The following MOB1B variants were observed in gnomAD, a reference collection of about 807,000 sequenced individuals.
MOB1B encodes MOB1 Mps One Binder homolog B.
MOB1B carries 19 observed loss-of-function variants against 24.4 expected under a neutral mutation model. That is an observed-to-expected ratio of 0.78 (90% CI 0.54 to 1.14). MOB1B has a LOEUF of 1.14. Among genes scored for constraint, MOB1B ranks in the 50% most tolerant of loss-of-function variants. The pLI, the probability that MOB1B is intolerant of heterozygous loss-of-function variation, is 0.00. For synonymous variants in MOB1B, 76 were observed against 82.1 expected (o/e 0.93, Z 0.40); for missense variants, 243 against 259.6 (o/e 0.94, Z 0.44).
At chr4:70,962,676 A>G (rs1465967825) in intron 2 of MOB1B, among the ~76,000 whole-genome samples, 1 of 152,108 alleles carries the variant, frequency 6.6e-6, no homozygotes, top group East Asian at 1.9e-4. Context: ...TGTGCTTTTA[A>G]AAGAAAAAAT....
At chr4:70,962,327 A>G (rs1274575818) in intron 2 of MOB1B, among the ~76,000 whole-genome samples, 2 of 152,240 alleles carry the variant, frequency 1.3e-5, no homozygotes, top group African/African-American at 4.8e-5. Flanking sequence ...TTGATCTCAA[A>G]GTGAATATGT....
At chr4:70,966,316 G>A (rs1427250647) in intron 2 of MOB1B, among the ~76,000 whole-genome samples, 3 of 151,972 alleles carry the variant, frequency 2.0e-5, no homozygotes, top group African/African-American at 7.2e-5. Flanking sequence ...AGGCCAAGGT[G>A]GAAGGATTGC....
At chr4:70,968,148 C>A (rs1315494858) in intron 2 of MOB1B, among the ~76,000 whole-genome samples, 1 of 152,148 alleles carries the variant, frequency 6.6e-6, no homozygotes, top group African/African-American at 2.4e-5. Flanking sequence ...TCTTGCCCGG[C>A]CTATGCTCTT....
intron 1 of MOB1B, among the ~76,000 whole-genome samples, chr4:70,942,111 A>G (rs763735636): frequency 6.6e-6 from 1 of 152,180 alleles, no homozygotes; most frequent in African/African-American, 2.4e-5. Flanking sequence ...ATTGGTTAAA[A>G]TTGACCTCCA....
intron 1 of MOB1B, among the ~76,000 whole-genome samples, chr4:70,928,873 C>T (rs994211117): frequency 5.9e-5 from 9 of 152,110 alleles, no homozygotes; most frequent in African/African-American, 2.2e-4. Flanking sequence ...CTGGCGTGAG[C>T]CCCTGCACTC....
In MOB1B at chr4:70,983,421, A is replaced by T. The variant is rs946094510; in HGVS notation, c.*1364A>T. The T allele has an allele frequency of 5.9e-5, 9 of 152,406 alleles. No individual in the cohort carries two copies. The highest frequency in any genetic ancestry group is 1.9e-4 in the African/African-American group (8 of 41,444). The allele number at this position is 152,406 out of a possible 1,614,324, so 9.4% of individuals were successfully genotyped here. A position where few individuals can be genotyped will look rare whatever the true frequency, so the allele number is the denominator to read the frequency against. ...TTTTATTCGCCATGACTTTCTAGTG[A>T]ATTATTACCATAAATAACAATTTCA... On this transcript the variant is annotated 3_prime_UTR_variant, in exon 6 of 6. Transcript: ENST00000309395.
chr4:70,914,647 C>T (rs1185088602), intron 1 of MOB1B, among the ~76,000 whole-genome samples: 2 of 152,208 alleles, frequency 1.3e-5, no homozygotes, highest in African/African-American at 4.8e-5. Flanking sequence ...ACATCACTAC[C>T]TTCAGTTGCA....
intron 2 of MOB1B, 87 bp downstream of exon 2, chr4:70,959,127 TTTAG>T (rs906352409): frequency 5.7e-6 from 6 of 1,060,192 alleles, no homozygotes; most frequent in Middle Eastern, 2.1e-4. Context: ...CATTCTAGGA[TTTAG>T]TTAGTAAGCT....
At chr4:70,917,545 C>A (rs1402616278) in intron 1 of MOB1B, among the ~76,000 whole-genome samples, 1 of 152,108 alleles carries the variant, frequency 6.6e-6, no homozygotes, top group East Asian at 1.9e-4. Flanking sequence ...AGATTATGAA[C>A]CCAAAGTTCA....
At position 70,985,529 on chromosome 4, in the gene MOB1B, T is replaced by A. The variant is rs931467966; in HGVS notation, c.*3472T>A. On this transcript the variant is annotated 3_prime_UTR_variant, in exon 6 of 6. Transcript: ENST00000309395. ...TTTTAAATTTTTTTTATTTTTTTTA[T>A]TTTTATTTCTTTAAGATGGAGTCTT... The A allele has an allele frequency of 6.6e-6, 1 of 152,102 alleles. No homozygotes were observed. The highest frequency in any genetic ancestry group is 2.4e-5 in the African/African-American group (1 of 41,422). 9.4% of individuals were successfully genotyped at this position (152,102 alleles called of 1,614,324 possible). A position where few individuals can be genotyped will look rare whatever the true frequency, so the allele number is the denominator to read the frequency against.
At chr4:70,908,483 T>G (rs1168952585) in intron 1 of MOB1B, among the ~76,000 whole-genome samples, 1 of 151,296 alleles carries the variant, frequency 6.6e-6, no homozygotes, top group South Asian at 2.1e-4. Context: ...TTCTTAAGAT[T>G]AGCAATTTAG....
chr4:70,969,815 C>A, intron 2 of MOB1B, 116 bp from the exon 3 acceptor site: 163 of 460,504 alleles, frequency 3.5e-4, no homozygotes, highest in East Asian at 4.0e-4. Context: ...GTATGGTTTT[C>A]ACCTGTTCTT....
chr4:70,930,148 A>G (rs924663490), intron 1 of MOB1B, among the ~76,000 whole-genome samples: 6 of 152,194 alleles, frequency 3.9e-5, no homozygotes, highest in African/African-American at 1.4e-4. Flanking sequence ...AGCATATAGT[A>G]TAGTCTATAA....
At chr4:70,956,148 C>G (rs1016382424) in intron 1 of MOB1B, among the ~76,000 whole-genome samples, 1 of 152,150 alleles carries the variant, frequency 6.6e-6, no homozygotes, top group Non-Finnish European at 1.5e-5. Flanking sequence ...TAGAGCTTGA[C>G]TATATCTAAT....
chr4:70,902,564 C>T lies in MOB1B; in HGVS notation c.14+14C>T, dbSNP rs1171339802. 1.3e-6 allele frequency: 2 copies of T among 1,554,072 alleles called. No homozygotes were observed. Among genetic ancestry groups the T allele is most frequent in the South Asian group, 2.4e-5 (2 of 84,742 alleles). On this transcript the variant is annotated intron_variant, in intron 1 of 5. Transcript: ENST00000309395. ...GAGCTTCTTGTTGTGAGTAGCCAGGCCCCGCACGCGCCGGCTTTGTTCGGG... is the reference window on the plus strand; with the variant it reads ...GAGCTTCTTGTTGTGAGTAGCCAGGTCCCGCACGCGCCGGCTTTGTTCGGG...
Position 70,975,192 on chromosome 4 carries a change from A to G in MOB1B, c.315A>G (p.Lys105=), listed in dbSNP as rs767123707. ...GGGCAGATGGAACGAACATAAAGAA[A>G]CCTATTAAGTGCTCTGCACCAAAGT... is the stretch of plus-strand genomic sequence containing the variant. ...YHWADGTNIK[K]PIKCSAPKYI... The change falls in exon 4 of 6, where the codon AAA becomes AAG. Residue 105 remains lysine (K), a synonymous_variant. Transcript: ENST00000309395. The G allele has an allele frequency of 2.5e-6, 4 of 1,610,334 alleles. No individual in the cohort carries two copies. The highest frequency in any genetic ancestry group is 3.4e-6 in the Non-Finnish European group (4 of 1,178,824).
At chr4:70,926,436 T>C (rs942394374) in intron 1 of MOB1B, among the ~76,000 whole-genome samples, 1 of 152,148 alleles carries the variant, frequency 6.6e-6, no homozygotes, top group African/African-American at 2.4e-5. Flanking sequence ...TAACGAATGC[T>C]TCTTCCATTG....
chr4:70,916,468 G>A (rs927300081), intron 1 of MOB1B, among the ~76,000 whole-genome samples: 4 of 152,152 alleles, frequency 2.6e-5, no homozygotes, highest in Non-Finnish European at 4.4e-5. Flanking sequence ...CTTACCCAAG[G>A]TCCCCGTAAA....
rs929821239 is a variant in MOB1B, at chr4:70,984,021, T to C, written c.*1964T>C. ...GCACAGAATTACTCAGTCTTCCATA[T>C]TGTATTTGACTTCATATCAATCTAG... On this transcript the variant is annotated 3_prime_UTR_variant, in exon 6 of 6. Transcript: ENST00000309395. The C allele has an allele frequency of 6.6e-6, 1 of 152,586 alleles. No homozygotes were observed. Among genetic ancestry groups the C allele is most frequent in the Non-Finnish European group, 1.5e-5 (1 of 67,984 alleles). The allele number at this position is 152,586 out of a possible 1,614,324, so 9.5% of individuals were successfully genotyped here. A position where few individuals can be genotyped will look rare whatever the true frequency, so the allele number is the denominator to read the frequency against.
Sources: allele counts gnomAD v4.1 joint callset (sites outside exome capture counted in the v4.1 genomes callset), GRCh38; gene constraint gnomAD v4.1.1; transcripts MANE v1.5; gene names NCBI Gene and HGNC (gene_info 2026-07-23, HGNC 2026-07-21).